Variants in ARNT observed in about 807,000 individuals in gnomAD.
ARNT encodes the protein class E basic helix-loop-helix protein 2.
Under a neutral mutation model 105.0 loss-of-function variants are expected in ARNT, and 30 were observed. The observed-to-expected ratio is 0.29, with a 90% CI of 0.21 to 0.39. ARNT has a LOEUF of 0.39. ARNT is among the 10% of genes least tolerant of loss of function. The probability of loss-of-function intolerance (pLI) is 1.00; values close to 1 mark genes in which losing one functional copy is unlikely to be tolerated. For missense variants in ARNT, 748 were observed against 978.7 expected (o/e 0.76, Z 3.15); for synonymous variants, 304 against 344.0 (o/e 0.88, Z 1.29).
intron 10 of ARNT, chr1:150,831,451 C>T (rs1320803717): frequency 5.5e-6 from 1 of 181,952 alleles, no homozygotes; most frequent in Non-Finnish European, 1.1e-5. Flanking sequence ...AAGGCATTTT[C>T]CCCTTTTCTC....
intron 6 of ARNT, among the ~76,000 whole-genome samples, chr1:150,837,838 C>T (rs1660589623): frequency 6.6e-6 from 1 of 151,974 alleles, no homozygotes; most frequent in Non-Finnish European, 1.5e-5. Context: ...CATCCCAAAA[C>T]CTGAATCATT....
intron 4 of ARNT, among the ~76,000 whole-genome samples, chr1:150,845,779 A>G (rs1289271163): frequency 6.6e-6 from 1 of 152,022 alleles, no homozygotes; most frequent in Non-Finnish European, 1.5e-5. Flanking sequence ...GCAGGGGCCT[A>G]TAATCCCAGC....
At chr1:150,825,342 A>G (rs889284731) in intron 13 of ARNT, among the ~76,000 whole-genome samples, 1 of 152,212 alleles carries the variant, frequency 6.6e-6, no homozygotes, top group Non-Finnish European at 1.5e-5. Flanking sequence ...TCTTCCCAAC[A>G]ACCGTCTGAA....
Position 150,812,052 on chromosome 1 carries a change from TC to T in ARNT, c.2338del (p.Asp780IlefsTer2). ...SNSYNNEEFP[D>X]LTMFPPFSE ...TGAAAAGGGGGGAAACATAGTTAGA[TC>T]AGGGAATTCTTCATTGTTGTAGCTG... is the stretch of plus-strand genomic sequence containing the variant. On this transcript the variant is annotated frameshift_variant, in exon 22 of 22. Coordinates refer to ENST00000358595, the MANE Select transcript of ARNT (RefSeq NM_001668.4). LOFTEE classifies it high-confidence loss of function. 1 of 1,572,238 alleles carries T rather than the reference TC, an allele frequency of 6.4e-7. No individual in the cohort carries two copies. The highest frequency in any genetic ancestry group is 8.7e-7 in the Non-Finnish European group (1 of 1,156,040).
At position 150,813,217 on chromosome 1, in the gene ARNT, A is replaced by G. The variant is rs1571155771; in HGVS notation, c.2235T>C (p.Val745=). The change falls in exon 21 of 22, where the codon GTT becomes GTC. Residue 745 remains valine (V), a synonymous_variant. Transcript: ENST00000358595. ...HHRSSSSEQH[V]QQPPAQQPGQ... ...CAGGTTGCTGTGCTGGCGGTTGTTG[A>G]ACATGTTGCTCACTAGAACTTGAAC... 6.2e-7 allele frequency: 1 copy of G among 1,613,670 alleles called. No individual in the cohort carries two copies.
intron 4 of ARNT, 72 bp from the exon 5 acceptor site, chr1:150,842,540 G>T: frequency 1.5e-6 from 2 of 1,318,476 alleles, no homozygotes; most frequent in Non-Finnish European, 2.1e-6. Flanking sequence ...AGGGAGGAAG[G>T]GAAAAAAGGA....
intron 1 of ARNT, among the ~76,000 whole-genome samples, chr1:150,867,524 TAAAAGA>T (rs1267419733): frequency 1.3e-5 from 2 of 152,082 alleles, no homozygotes; most frequent in African/African-American, 4.8e-5. Context: ...GTCTCAACTT[TAAAAGA>T]AAAAGAGAGA....
intron 1 of ARNT, among the ~76,000 whole-genome samples, chr1:150,868,124 G>A (rs1666902464): frequency 2.0e-5 from 3 of 151,974 alleles, no homozygotes; most frequent in South Asian, 2.1e-4. Flanking sequence ...GTGGGCAAAT[G>A]GGAAGAAATG....
At chr1:150,867,379 AAAAAAAC>A (rs1246371370) in intron 1 of ARNT, among the ~76,000 whole-genome samples, 1 of 151,924 alleles carries the variant, frequency 6.6e-6, no homozygotes, top group Middle Eastern at 3.2e-3. Flanking sequence ...ATTAAAAAAA[AAAAAAAC>A]TATTCAAACA....
At position 150,815,598 on chromosome 1, in the gene ARNT, G is replaced by C. The variant is rs587613405; in HGVS notation, c.1950+661C>G. On this transcript the variant is annotated intron_variant, in intron 19 of 21. Transcript: ENST00000358595. ...TTTTCAGCCAGGCGCGGTGGCTCACGCCTGTAATCCCAGCACTTTGGGAGG... is the reference window on the plus strand; with the variant it reads ...TTTTCAGCCAGGCGCGGTGGCTCACCCCTGTAATCCCAGCACTTTGGGAGG... 1.1e-3 allele frequency among the ~76,000 whole-genome samples: 161 copies of C among 150,224 alleles called. 2 individuals carry two copies. In the South Asian group the frequency reaches 0.034, roughly 31 times the overall value.
At chr1:150,864,749 A>G (rs1033607133) in intron 1 of ARNT, among the ~76,000 whole-genome samples, 2 of 147,732 alleles carry the variant, frequency 1.4e-5, no homozygotes, top group East Asian at 3.9e-4. Flanking sequence ...GTACCCTAAA[A>G]CTTAAAGTAT....
At chr1:150,841,746 A>G (rs1661339551) in intron 5 of ARNT, among the ~76,000 whole-genome samples, 1 of 152,230 alleles carries the variant, frequency 6.6e-6, no homozygotes, top group Non-Finnish European at 1.5e-5. Flanking sequence ...GTCTCACCAC[A>G]TAGGCCCATA....
At chr1:150,816,471 AG>A in intron 18 of ARNT, 65 bp from the exon 19 acceptor site, 1 of 1,542,580 alleles carries the variant, frequency 6.5e-7, no homozygotes, top group East Asian at 2.3e-5. Flanking sequence ...TAGGAATCAA[AG>A]GACAATCTAG....
At chr1:150,876,429 G>A in intron 1 of ARNT, 114 bp downstream of exon 1, 24 of 868,070 alleles carry the variant, frequency 2.8e-5, no homozygotes, top group Non-Finnish European at 3.4e-5. Context: ...CGCGGCCCCC[G>A]CCCCGCCCCG....
At chr1:150,849,940 T>G (rs587732507) in intron 3 of ARNT, among the ~76,000 whole-genome samples, 1 of 151,990 alleles carries the variant, frequency 6.6e-6, no homozygotes, top group South Asian at 2.1e-4. Context: ...TAGTCCCAGC[T>G]ACTCAGGAGG....
chr1:150,851,073 G>A (rs1297136209), intron 3 of ARNT, among the ~76,000 whole-genome samples: 1 of 151,234 alleles, frequency 6.6e-6, no homozygotes, highest in Middle Eastern at 3.2e-3. Context: ...GAGAAGTGAG[G>A]AGCCCCTCCG....
intron 14 of ARNT, among the ~76,000 whole-genome samples, chr1:150,821,783 G>A (rs1388210659): frequency 3.3e-5 from 5 of 151,422 alleles, no homozygotes; most frequent in Non-Finnish European, 5.9e-5. Flanking sequence ...CAAGTAGCTG[G>A]GACTATAGGC....
intron 5 of ARNT, 26 bp downstream of exon 5, chr1:150,842,398 C>A: frequency 6.2e-7 from 1 of 1,604,854 alleles, no homozygotes; most frequent in Non-Finnish European, 8.5e-7. Flanking sequence ...TCTGCTTCAT[C>A]ATGCTAAAAG....
intron 3 of ARNT, among the ~76,000 whole-genome samples, chr1:150,849,470 C>T (rs1483066701): frequency 2.0e-5 from 3 of 152,192 alleles, no homozygotes; most frequent in African/African-American, 7.2e-5. Context: ...TCTGAAAGAA[C>T]TCCTTCATCA....
Sources: gnomAD v4.1 joint callset for allele counts (sites outside exome capture counted in the v4.1 genomes callset) on GRCh38, gnomAD v4.1.1 for gene constraint, MANE v1.5 for transcripts, NCBI Gene and HGNC (gene_info 2026-07-23, HGNC 2026-07-21) for gene names.